The following ZNF536 variants were observed in gnomAD, a reference collection of about 807,000 sequenced individuals.
ZNF536 encodes the protein zinc finger protein 536.
Under a neutral mutation model 84.5 loss-of-function variants are expected in ZNF536, and 13 were observed. The ratio of observed to expected loss-of-function variants is 0.15; its 90% CI spans 0.10 to 0.24. The LOEUF (loss-of-function observed/expected upper bound fraction) is 0.24, where lower values mean the gene tolerates loss of function less well. ZNF536 is among the 10% of genes least tolerant of loss of function. The probability of loss-of-function intolerance (pLI) is 1.00; values close to 1 mark genes in which losing one functional copy is unlikely to be tolerated. For missense variants in ZNF536, 1,536 were observed against 1,747.5 expected (o/e 0.88, Z 2.16); for synonymous variants, 811 against 742.5 (o/e 1.09, Z -1.50).
exon 2 of ZNF536, chr19:30,712,462 G>C (rs1031789774): frequency 6.6e-6 from 1 of 151,490 alleles, no homozygotes; most frequent in African/African-American, 2.4e-5. Flanking sequence ...TTCCTTGCAG[G>C]CTGGGAGCAC....
intron 1 of ZNF536, among the ~76,000 whole-genome samples, chr19:30,403,158 C>T (rs2050125388): frequency 6.6e-6 from 1 of 152,144 alleles, no homozygotes; most frequent in South Asian, 2.1e-4. Flanking sequence ...GCATCAATAA[C>T]ATATTGTTAG....
chr19:30,699,621 A>G (rs1217046088), intron 1 of ZNF536, among the ~76,000 whole-genome samples: 1 of 152,120 alleles, frequency 6.6e-6, no homozygotes, highest in Non-Finnish European at 1.5e-5. Flanking sequence ...TTTTTAAACT[A>G]TATGTGCAAC....
intron 2 of ZNF536, among the ~76,000 whole-genome samples, chr19:30,514,450 G>A (rs931274800): frequency 2.0e-5 from 3 of 152,046 alleles, no homozygotes; most frequent in East Asian, 3.9e-4. Context: ...CTGCAGGGGG[G>A]TCAAAGAGAC....
chr19:30,396,560 T>C (rs748131044), intron 1 of ZNF536, among the ~76,000 whole-genome samples: 1 of 150,706 alleles, frequency 6.6e-6, no homozygotes. Context: ...TACAGATGTG[T>C]CCTGCCTCCA....
intron 1 of ZNF536, among the ~76,000 whole-genome samples, chr19:30,275,671 C>T (rs2026088058): frequency 2.0e-5 from 3 of 152,274 alleles, no homozygotes; most frequent in Admixed American, 2.0e-4. Flanking sequence ...CTCAGTTCTT[C>T]ATCAATAAAT....
chr19:30,322,463 C>T (rs1023639210), intron 2 of ZNF536, among the ~76,000 whole-genome samples: 4 of 152,114 alleles, frequency 2.6e-5, no homozygotes, highest in African/African-American at 9.7e-5. Context: ...TCTGTTTCTG[C>T]GGGACTTGGT....
rs951586505 is a variant in ZNF536 at position 30,303,153 on chromosome 19, G to C, written c.-120+19012G>C. On this transcript the variant is annotated intron_variant, in intron 2 of 5. Transcript: ENST00000585628. ...TCCTAGATGGGTGATGGGTTTCTGAGGCTCGGCTGGTGTCCAGGGTCTCCT... is the reference window on the plus strand; with the variant it reads ...TCCTAGATGGGTGATGGGTTTCTGACGCTCGGCTGGTGTCCAGGGTCTCCT... 3.3e-5 allele frequency among the ~76,000 whole-genome samples: 5 copies of C among 152,310 alleles called. No individual in the cohort carries two copies. In the East Asian group the frequency reaches 9.7e-4, roughly 29 times the overall value.
intron 2 of ZNF536, among the ~76,000 whole-genome samples, chr19:30,305,820 C>T (rs958111344): frequency 1.3e-5 from 2 of 152,202 alleles, no homozygotes; most frequent in East Asian, 1.9e-4. Flanking sequence ...GGCTGGGCTT[C>T]GGCAGGAGGG....
intron 1 of ZNF536, among the ~76,000 whole-genome samples, chr19:30,382,964 A>G (rs1810147224): frequency 6.6e-6 from 1 of 152,216 alleles, no homozygotes. Flanking sequence ...TTGCACAATT[A>G]AAATCAAATA....
chr19:30,448,499 G>T (rs966426657), intron 2 of ZNF536, among the ~76,000 whole-genome samples: 1 of 152,172 alleles, frequency 6.6e-6, no homozygotes, highest in Non-Finnish European at 1.5e-5. Flanking sequence ...ACTTATTAAG[G>T]CTTCTATTAA....
chr19:30,357,808 C>T (rs912784073), intron 3 of ZNF536, among the ~76,000 whole-genome samples: 5 of 152,078 alleles, frequency 3.3e-5, no homozygotes, highest in African/African-American at 1.2e-4. Context: ...TATCACAGGC[C>T]GCTTAACTTC....
At chr19:30,605,841 A>G (rs2146976312) in intron 1 of ZNF536, among the ~76,000 whole-genome samples, 1 of 152,310 alleles carries the variant, frequency 6.6e-6, no homozygotes, top group African/African-American at 2.4e-5. Context: ...TCCATCACAC[A>G]GATTCCCATC....
chr19:30,307,498 G>C (rs1233642550), intron 2 of ZNF536, among the ~76,000 whole-genome samples: 1 of 151,988 alleles, frequency 6.6e-6, no homozygotes, highest in Non-Finnish European at 1.5e-5. Flanking sequence ...CTTCTAAGGA[G>C]AGCTCTAACA....
chr19:30,615,744 T>C (rs2048272234), intron 1 of ZNF536, among the ~76,000 whole-genome samples: 1 of 152,222 alleles, frequency 6.6e-6, no homozygotes, highest in Admixed American at 6.5e-5. Flanking sequence ...TGTTATGACT[T>C]GGAGTCTTAC....
intron 1 of ZNF536, among the ~76,000 whole-genome samples, chr19:30,695,325 AAAC>A (rs1253659164): frequency 2.0e-5 from 3 of 152,212 alleles, no homozygotes; most frequent in African/African-American, 7.2e-5. Flanking sequence ...GTCCTTCAGT[AAAC>A]AACGTCTGGT....
intron 1 of ZNF536, among the ~76,000 whole-genome samples, chr19:30,587,282 C>T (rs2047126979): frequency 6.6e-6 from 1 of 152,216 alleles, no homozygotes; most frequent in Non-Finnish European, 1.5e-5. Flanking sequence ...CTATGGATTA[C>T]AAGACATATC....
chr19:30,318,378 G>T (rs115395260), intron 2 of ZNF536, among the ~76,000 whole-genome samples: 1 of 152,236 alleles, frequency 6.6e-6, no homozygotes, highest in Admixed American at 6.5e-5. Flanking sequence ...CCACACGTAG[G>T]TCTGAAAAGA....
intron 2 of ZNF536, among the ~76,000 whole-genome samples, chr19:30,322,386 C>G (rs1485170796): frequency 6.6e-6 from 1 of 152,176 alleles, no homozygotes; most frequent in East Asian, 1.9e-4. Context: ...AAGCCAGATG[C>G]CCACAGGGGA....
intron 1 of ZNF536, among the ~76,000 whole-genome samples, chr19:30,646,893 C>T (rs867626009): frequency 1.3e-5 from 2 of 152,256 alleles, no homozygotes; most frequent in East Asian, 1.9e-4. Context: ...ACTCAGATCT[C>T]GGGAAATTCC....
Sources: gnomAD v4.1 joint callset for allele counts (sites outside exome capture counted in the v4.1 genomes callset) on GRCh38, gnomAD v4.1.1 for gene constraint, MANE v1.5 for transcripts, NCBI Gene and HGNC (gene_info 2026-07-23, HGNC 2026-07-21) for gene names.